Variants in ZBBX observed in about 807,000 individuals in gnomAD.
The protein encoded by ZBBX is zinc finger B-box domain containing, also known as zinc finger B-box domain-containing protein 1.
In ZBBX, 101 loss-of-function variants were observed where a neutral mutation model predicts 108.5. That is an observed-to-expected ratio of 0.93 (90% CI 0.79 to 1.10). The LOEUF is 1.10. Among genes scored for constraint, ZBBX ranks in the 50% least tolerant of loss-of-function variants. ZBBX has a pLI of 0.00. For missense variants in ZBBX, 1,009 were observed against 941.4 expected (o/e 1.07, Z -0.94); for synonymous variants, 356 against 323.4 (o/e 1.10, Z -1.08).
intron 10 of ZBBX, among the ~76,000 whole-genome samples, chr3:167,328,905 ATTAC>A (rs1737888716): frequency 6.6e-6 from 1 of 152,022 alleles, no homozygotes; most frequent in African/African-American, 2.4e-5. Flanking sequence ...TCTTCCTCCC[ATTAC>A]TTACTCCCAT....
In ZBBX at chr3:167,271,071, A is replaced by G. The variant is rs1726437069; in HGVS notation, c.2254+11167T>C. On this transcript the variant is annotated intron_variant, in intron 20 of 21. Coordinates refer to ENST00000675490, the MANE Select transcript of ZBBX (RefSeq NM_001199201.2). ...GAAATAGAGTCAGGCAAATTGCCTA[A>G]TAATTGGTCTGCCCAAACTTGTGAG... Among the ~76,000 whole-genome samples, 2 of 152,252 alleles carry G rather than the reference A, an allele frequency of 1.3e-5. 1 individual carries two copies. The highest frequency in any genetic ancestry group is 4.1e-4 in the South Asian group (2 of 4,828).
At chr3:167,348,372 AAAAAG>A (rs1485886001) in intron 9 of ZBBX, among the ~76,000 whole-genome samples, 2 of 104,726 alleles carry the variant, frequency 1.9e-5, no homozygotes, top group Non-Finnish European at 4.4e-5. Context: ...AAGAAAGAAA[AAAAAG>A]AAAAGAAAAG....
chr3:167,400,584 C>T (rs1311233976), intron 1 of ZBBX, among the ~76,000 whole-genome samples: 1 of 151,844 alleles, frequency 6.6e-6, no homozygotes, highest in Non-Finnish European at 1.5e-5. Flanking sequence ...GTTTAAATTC[C>T]TTATAGTACC....
the ZBBX span, among the ~76,000 whole-genome samples, chr3:167,202,839 C>T: frequency 1.4e-4 from 21 of 152,080 alleles, no homozygotes; most frequent in Non-Finnish European, 2.5e-4. Context: ...CCAATAGCTT[C>T]CTATTCAGAC....
the ZBBX span, among the ~76,000 whole-genome samples, chr3:167,211,903 C>T: frequency 2.5e-4 from 38 of 152,220 alleles, no homozygotes; most frequent in African/African-American, 8.2e-4. Flanking sequence ...GCCATTCCAG[C>T]CTTTGGGCTT....
chr3:167,191,851 TA>T, the ZBBX span, among the ~76,000 whole-genome samples: 2 of 144,840 alleles, frequency 1.4e-5, no homozygotes, highest in African/African-American at 2.5e-5. Flanking sequence ...CTTTTCATTT[TA>T]GTGAATGTTT....
At chr3:167,247,535 G>A (rs1016124182) in intron 20 of ZBBX, among the ~76,000 whole-genome samples, 15 of 152,170 alleles carry the variant, frequency 9.9e-5, no homozygotes, top group African/African-American at 3.6e-4. Flanking sequence ...CTGTCCTTGT[G>A]ACAAGCTAGA....
At chr3:167,242,707 G>A in intron 20 of ZBBX, 64 bp from the exon 21 acceptor site, 2 of 1,402,476 alleles carry the variant, frequency 1.4e-6, no homozygotes, top group Non-Finnish European at 1.9e-6. Flanking sequence ...ACAGCATATG[G>A]TGCTGAATGT....
chr3:167,396,538 G>A (rs1748240109), intron 1 of ZBBX, among the ~76,000 whole-genome samples: 1 of 151,990 alleles, frequency 6.6e-6, no homozygotes, highest in African/African-American at 2.4e-5. Context: ...TACCCAGATT[G>A]GGCTTATTTT....
At chr3:167,397,771 A>G (rs903751803) in intron 1 of ZBBX, among the ~76,000 whole-genome samples, 7 of 151,890 alleles carry the variant, frequency 4.6e-5, no homozygotes, top group Admixed American at 4.6e-4. Flanking sequence ...TTCAAAAGGA[A>G]AAATGTCCTG....
At chr3:167,398,091 C>T (rs1246354648) in intron 1 of ZBBX, among the ~76,000 whole-genome samples, 6 of 151,740 alleles carry the variant, frequency 4.0e-5, no homozygotes, top group Non-Finnish European at 8.8e-5. Flanking sequence ...AAAAAATGAA[C>T]GAGCTTCAAT....
intron 17 of ZBBX, among the ~76,000 whole-genome samples, chr3:167,305,319 A>T (rs933533439): frequency 4.6e-5 from 7 of 152,130 alleles, no homozygotes; most frequent in Non-Finnish European, 1.0e-4. Context: ...GAAAGTATTT[A>T]TTATACTGTA....
At chr3:167,328,287 C>T (rs1301722298) in intron 10 of ZBBX, among the ~76,000 whole-genome samples, 171 bp from the exon 11 acceptor site, 1 of 152,000 alleles carries the variant, frequency 6.6e-6, no homozygotes, top group Admixed American at 6.6e-5. Context: ...TATTTATATG[C>T]TTTACTCTGT....
chr3:167,297,873 G>A (rs908071423), intron 18 of ZBBX, among the ~76,000 whole-genome samples: 1 of 151,444 alleles, frequency 6.6e-6, no homozygotes, highest in Non-Finnish European at 1.5e-5. Flanking sequence ...TTCTCCCCCC[G>A]ACCCCACCAA....
chr3:167,362,387 G>A (rs1424683830), intron 6 of ZBBX, among the ~76,000 whole-genome samples: 1 of 151,984 alleles, frequency 6.6e-6, no homozygotes, highest in Non-Finnish European at 1.5e-5. Flanking sequence ...GTCAGAATAT[G>A]CTGTCATCAT....
intron 8 of ZBBX, among the ~76,000 whole-genome samples, chr3:167,354,658 T>C (rs1330186637): frequency 1.3e-5 from 2 of 151,942 alleles, no homozygotes; most frequent in African/African-American, 2.4e-5. Context: ...CATGGTTATA[T>C]CATTATATTA....
At chr3:167,238,303 A>T (rs1436258480), downstream of ZBBX, among the ~76,000 whole-genome samples, 1 of 152,056 alleles carries the variant, frequency 6.6e-6, no homozygotes, top group Non-Finnish European at 1.5e-5. Flanking sequence ...GACAGAGGAC[A>T]TGTTAAGAGG....
chr3:167,399,587 G>A (rs1316285386), intron 1 of ZBBX: 4 of 152,172 alleles, frequency 2.6e-5, no homozygotes, highest in African/African-American at 9.7e-5. Context: ...GGTAAAGGAA[G>A]GATGGGAATT....
At position 167,317,530 on chromosome 3, in the gene ZBBX, C is replaced by T. The variant is rs1214332428; in HGVS notation, c.1051G>A (p.Asp351Asn). The change falls in exon 13 of 22, where the codon GAT becomes AAT. Residue 351 changes from aspartate (D) to asparagine (N), a missense_variant. Physicochemically the swap from Asp to Asn is conservative, Grantham distance 23. Coordinates refer to ENST00000675490, the MANE Select transcript of ZBBX (RefSeq NM_001199201.2). ...TTTTCATTTTGAGAACACTGTGCAT[C>T]ACCAGTGGTTTCATGTGGATGTGGG... ...TFPHPHETTGDAQCSQNENDE... is the reference protein window; with the variant it reads ...TFPHPHETTGNAQCSQNENDE... 6.2e-7 allele frequency: 1 copy of T among 1,611,222 alleles called. No individual in the cohort carries two copies. The highest frequency in any genetic ancestry group is 1.1e-5 in the South Asian group (1 of 90,782).
Sources: allele counts gnomAD v4.1 joint callset (sites outside exome capture counted in the v4.1 genomes callset), GRCh38; gene constraint gnomAD v4.1.1; transcripts MANE v1.5; gene names NCBI Gene and HGNC (gene_info 2026-07-23, HGNC 2026-07-21).